The following CEP112 variants were observed in gnomAD, a reference collection of about 807,000 sequenced individuals.
CEP112 encodes centrosomal protein of 112 kDa.
Under a neutral mutation model 153.0 loss-of-function variants are expected in CEP112, and 127 were observed. That is an observed-to-expected ratio of 0.83 (90% CI 0.72 to 0.96). CEP112 has a LOEUF of 0.96. CEP112 is among the 40% of genes least tolerant of loss of function. CEP112 has a pLI of 0.00. For missense variants in CEP112, 1,089 were observed against 1,101.2 expected (o/e 0.99, Z 0.16); for synonymous variants, 358 against 374.4 (o/e 0.96, Z 0.51).
intron 24 of CEP112, among the ~76,000 whole-genome samples, chr17:65,658,358 A>G (rs2046167709): frequency 6.6e-6 from 1 of 152,224 alleles, no homozygotes; most frequent in South Asian, 2.1e-4. Flanking sequence ...AGGAACTCCT[A>G]GTCTGATCTG....
At chr17:66,190,676 A>C (rs2073131398) in intron 1 of CEP112, among the ~76,000 whole-genome samples, 1 of 152,192 alleles carries the variant, frequency 6.6e-6, no homozygotes, top group South Asian at 2.1e-4. Context: ...TTATAGCTAC[A>C]ATCTATATTT....
At chr17:65,961,980 T>C (rs1036802167) in intron 17 of CEP112, among the ~76,000 whole-genome samples, 1 of 152,194 alleles carries the variant, frequency 6.6e-6, no homozygotes, top group Non-Finnish European at 1.5e-5. Context: ...CTTAAAAACA[T>C]TCAGCTAAGT....
intron 20 of CEP112, among the ~76,000 whole-genome samples, chr17:65,890,481 C>T (rs2059424208): frequency 6.6e-6 from 1 of 152,156 alleles, no homozygotes; most frequent in African/African-American, 2.4e-5. Context: ...CCTGATGCCC[C>T]CACATCCCAT....
At chr17:65,642,483 T>G (rs1359831275) in intron 24 of CEP112, among the ~76,000 whole-genome samples, 1 of 152,100 alleles carries the variant, frequency 6.6e-6, no homozygotes, top group African/African-American at 2.4e-5. Flanking sequence ...GTGGCCACTG[T>G]TATAGAACAT....
chr17:65,825,623 G>C (rs973388216), intron 21 of CEP112, among the ~76,000 whole-genome samples: 1 of 152,048 alleles, frequency 6.6e-6, no homozygotes, highest in Admixed American at 6.6e-5. Context: ...CGTGGTGATG[G>C]TTGCACAACA....
At chr17:65,960,927 T>C (rs1347123275) in intron 18 of CEP112, among the ~76,000 whole-genome samples, 2 of 152,118 alleles carry the variant, frequency 1.3e-5, no homozygotes, top group African/African-American at 4.8e-5. Flanking sequence ...CGTTAACAAT[T>C]ATTGCATCTT....
intron 12 of CEP112, 53 bp from the exon 13 acceptor site, chr17:66,030,076 T>C: frequency 6.7e-7 from 1 of 1,494,756 alleles, no homozygotes; most frequent in Non-Finnish European, 9.2e-7. Context: ...GTAACACTTT[T>C]GTATCTGTAA....
chr17:65,866,576 C>T (rs1023835241), intron 20 of CEP112, among the ~76,000 whole-genome samples: 2 of 152,176 alleles, frequency 1.3e-5, no homozygotes, highest in Non-Finnish European at 2.9e-5. Context: ...TCTCGGCCTG[C>T]CATAGCCATC....
intron 21 of CEP112, among the ~76,000 whole-genome samples, chr17:65,813,655 C>G (rs1389597039): frequency 2.0e-5 from 3 of 152,184 alleles, no homozygotes; most frequent in Admixed American, 1.3e-4. Flanking sequence ...AATTCTAAAG[C>G]ATTCAGTGAG....
intron 12 of CEP112, among the ~76,000 whole-genome samples, chr17:66,036,382 A>AAGAAAAAG (rs1034971162): frequency 1.3e-4 from 5 of 37,614 alleles, no homozygotes; most frequent in Admixed American, 8.1e-4. Context: ...CCACAATAAA[A>AAGAAAAAG]AGAAAAAGAG....
intron 20 of CEP112, among the ~76,000 whole-genome samples, chr17:65,852,796 C>T (rs1409740329): frequency 6.6e-6 from 1 of 151,334 alleles, no homozygotes; most frequent in Non-Finnish European, 1.5e-5. Flanking sequence ...TCCTACTTTC[C>T]TAAGGTTTAT....
chr17:66,074,547 A>T (rs1187490229), intron 8 of CEP112, among the ~76,000 whole-genome samples: 1 of 152,132 alleles, frequency 6.6e-6, no homozygotes, highest in Non-Finnish European at 1.5e-5. Context: ...GAAACATCAC[A>T]AACTGCTGAA....
intron 21 of CEP112, among the ~76,000 whole-genome samples, chr17:65,798,923 G>A (rs779776738): frequency 2.0e-5 from 3 of 152,062 alleles, no homozygotes. Context: ...ATTAATGACC[G>A]AAAGCCTTCA....
At chr17:65,789,608 C>T (rs974534183) in intron 21 of CEP112, among the ~76,000 whole-genome samples, 19 of 152,020 alleles carry the variant, frequency 1.2e-4, no homozygotes, top group African/African-American at 4.6e-4. Flanking sequence ...CTATTTCACA[C>T]CCTGTGTTTT....
At chr17:66,147,453 A>G (rs1032080715) in intron 4 of CEP112, among the ~76,000 whole-genome samples, 1 of 151,744 alleles carries the variant, frequency 6.6e-6, no homozygotes, top group African/African-American at 2.4e-5. Flanking sequence ...CTGCTTTTTC[A>G]CTCAGTTGAT....
At chr17:66,026,624 TGGGGAATTGGTGCCA>T (rs1279853000) in intron 16 of CEP112, among the ~76,000 whole-genome samples, 1 of 152,198 alleles carries the variant, frequency 6.6e-6, no homozygotes, top group Non-Finnish European at 1.5e-5. Context: ...CCAGCATCCA[TGGGGAATTGGTGCCA>T]GGGCCCCTTT....
chr17:65,715,230 C>T (rs771511069), intron 23 of CEP112, among the ~76,000 whole-genome samples: 3 of 152,044 alleles, frequency 2.0e-5, no homozygotes, highest in Non-Finnish European at 4.4e-5. Context: ...AGATCATCCA[C>T]GCAGAGGTGT....
intron 24 of CEP112, among the ~76,000 whole-genome samples, chr17:65,679,500 T>C (rs1567852943): frequency 6.6e-6 from 1 of 152,226 alleles, no homozygotes; most frequent in Admixed American, 6.5e-5. Context: ...TACTTTTAAA[T>C]AGACTTCACT....
At chr17:65,914,406 T>C (rs1392828542) in intron 19 of CEP112, among the ~76,000 whole-genome samples, 1 of 152,032 alleles carries the variant, frequency 6.6e-6, no homozygotes, top group African/African-American at 2.4e-5. Flanking sequence ...ACTTTCTTTT[T>C]ATTTTCCTTA....
Sources: gnomAD v4.1 joint callset for allele counts (sites outside exome capture counted in the v4.1 genomes callset) on GRCh38, gnomAD v4.1.1 for gene constraint, MANE v1.5 for transcripts, NCBI Gene and HGNC (gene_info 2026-07-23, HGNC 2026-07-21) for gene names.